Variants in LLGL2 observed in about 807,000 individuals in gnomAD.
LLGL2 encodes LLGL2, scribble cell polarity complex component.
A neutral mutation model predicts 123.2 loss-of-function variants in LLGL2; 81 were observed. That is an observed-to-expected ratio of 0.66 (90% CI 0.55 to 0.79). LLGL2 has a LOEUF of 0.79. Ranked by LOEUF, LLGL2 falls within the 30% of genes least tolerant of loss-of-function variation. LLGL2 has a pLI of 0.00. For synonymous variants in LLGL2, 577 were observed against 594.1 expected, an observed-to-expected ratio of 0.97 and a Z score of 0.42; for missense variants, 1,273 against 1,414.6, an observed-to-expected ratio of 0.90 and a Z score of 1.61.
intron 10 of LLGL2, among the ~76,000 whole-genome samples, chr17:75,567,293 G>A (rs1205698875): frequency 6.6e-6 from 1 of 152,080 alleles, no homozygotes; most frequent in Non-Finnish European, 1.5e-5. Flanking sequence ...GTGAAACCCT[G>A]TCTCTACTAA....
At chr17:75,574,571 G>GTCCC (rs776595225) in intron 24 of LLGL2, 39 bp from the exon 25 acceptor site, 36 of 1,606,754 alleles carry the variant, frequency 2.2e-5, no homozygotes, top group African/African-American at 1.3e-5. Context: ...GAGAGTGGAG[G>GTCCC]TCCCTGAGGC....
chr17:75,569,206 C>T lies in LLGL2; in HGVS notation c.1477-15C>T. ...TGTCCCCGTGGCTGCTCACAGGGCC[C>T]CTCCCCTTCTCCAGGTGGGCTCCTT... On this transcript the variant is annotated splice_polypyrimidine_tract_variant and intron_variant, in intron 13 of 25. Coordinates refer to ENST00000392550, the MANE Select transcript of LLGL2 (RefSeq NM_001031803.2). The T allele has an allele frequency of 6.2e-7, 1 of 1,612,754 alleles. No individual in the cohort carries two copies. Among genetic ancestry groups the T allele is most frequent in the Non-Finnish European group, 8.5e-7 (1 of 1,179,404 alleles).
In LLGL2 at chr17:75,564,454, T is replaced by C. The variant is rs899901107; in HGVS notation, c.983T>C (p.Phe328Ser). The C allele has an allele frequency of 6.2e-7, 1 of 1,613,468 alleles. No individual in the cohort carries two copies. ...GATGGCCAGCAGACGGCCTTCGACTTCACCTCCCGTGTCATCGGCTTCACT... is the reference window on the plus strand; with the variant it reads ...GATGGCCAGCAGACGGCCTTCGACTCCACCTCCCGTGTCATCGGCTTCACT... Reference protein sequence around the residue: ...IHDGQQTAFDFTSRVIGFTVL... With the variant: ...IHDGQQTAFDSTSRVIGFTVL... Residue 328 changes from phenylalanine (F) to serine (S), a missense_variant, in exon 10 of 26, where the codon TTC becomes TCC. Transcript: ENST00000392550. The surrounding 1 kb of genome is among the most constrained non-coding windows in gnomAD (Gnocchi z 4.9).
In LLGL2 at chr17:75,573,640, A is replaced by T; in HGVS notation, c.2876+9A>T. The T allele has an allele frequency of 6.2e-7, 1 of 1,605,610 alleles. No individual in the cohort carries two copies. The highest frequency in any genetic ancestry group is 8.5e-7 in the Non-Finnish European group (1 of 1,176,614). On this transcript the variant is annotated intron_variant, in intron 21 of 25. Coordinates refer to ENST00000392550, the MANE Select transcript of LLGL2 (RefSeq NM_001031803.2). ...GCCCCGAGCCGAGCCAGGTGAGTGA[A>T]AGGGCCAGAGGCCTCTCCCGCCCCT...
chr17:75,558,067 C>G lies in LLGL2; in HGVS notation c.174-88C>G. 8.0e-7 allele frequency: 1 copy of G among 1,249,112 alleles called. No homozygotes were observed. Among genetic ancestry groups the G allele is most frequent in the Non-Finnish European group, 1.2e-6 (1 of 849,726 alleles). The allele number at this position is 1,249,112 out of a possible 1,614,324, so 77.4% of individuals were successfully genotyped here. On this transcript the variant is annotated intron_variant, in intron 3 of 25. Transcript: ENST00000392550. The surrounding 1 kb of genome is among the most constrained non-coding windows in gnomAD (Gnocchi z 4.0). ...GGGCAGCCCCTCTCTGTGTTTGCATCATTGCACATGGGCCCCGAGGGCCTG... is the reference window on the plus strand; with the variant it reads ...GGGCAGCCCCTCTCTGTGTTTGCATGATTGCACATGGGCCCCGAGGGCCTG...
chr17:75,567,160 C>A (rs543509154), intron 10 of LLGL2, among the ~76,000 whole-genome samples: 72 of 152,218 alleles, frequency 4.7e-4, no homozygotes, highest in Non-Finnish European at 9.3e-4. Context: ...GCAGGGAAGA[C>A]AAGCACTTCA....
At position 75,574,463 on chromosome 17, in the gene LLGL2, G is replaced by A. The variant is rs1374214971; in HGVS notation, c.2964G>A (p.Lys988=). ...RALLSDERVL[K]EIQSTLEGDR... ...CCACCCGGCCTGCAGGAGTCCTGAA[G>A]GAAATCCAGAGCACACTGGAGGGAG... The change falls in exon 24 of 26, where the codon AAG becomes AAA. Residue 988 remains lysine (K), a synonymous_variant. Transcript: ENST00000392550. 6.4e-7 allele frequency: 1 copy of A among 1,552,168 alleles called. No homozygotes were observed. Among genetic ancestry groups the A allele is most frequent in the Non-Finnish European group, 8.7e-7 (1 of 1,149,112 alleles).
chr17:75,567,169 C>T (rs2055477800), intron 10 of LLGL2, among the ~76,000 whole-genome samples: 1 of 152,094 alleles, frequency 6.6e-6, no homozygotes, highest in African/African-American at 2.4e-5. Flanking sequence ...ACAAGCACTT[C>T]AAAGAGGCAG....
chr17:75,537,675 C>T (rs556919693), intron 1 of LLGL2, among the ~76,000 whole-genome samples: 7 of 151,132 alleles, frequency 4.6e-5, no homozygotes, highest in Admixed American at 1.3e-4. Flanking sequence ...TCAGCCTGGG[C>T]GACAGAGCGA....
Position 75,570,207 on chromosome 17 carries a change from ATGGCTTTGG to A in LLGL2, c.1827_1835del (p.Gly610_Gly612del), listed in dbSNP as rs2055634708. The A allele has an allele frequency of 6.3e-7, 1 of 1,598,490 alleles. No homozygotes were observed. Among genetic ancestry groups the A allele is most frequent in the Admixed American group, 1.8e-5 (1 of 56,502 alleles). The stretch of plus-strand genomic sequence containing the variant: ...CGGCTCGTGGCCTTCGGCACCAGCC[ATGGCTTTGG>A]CCTCTTTGACCACCAGCAGCGGCGG... On this transcript the variant is annotated inframe_deletion, in exon 15 of 26. Transcript: ENST00000392550.
chr17:75,555,521 G>A (rs969080730), intron 2 of LLGL2, among the ~76,000 whole-genome samples: 2 of 152,308 alleles, frequency 1.3e-5, no homozygotes, highest in Admixed American at 1.3e-4. Context: ...TTTGGTGACA[G>A]TAAGAGTCTG....
At chr17:75,574,729 C>T in intron 25 of LLGL2, 61 bp downstream of exon 25, 1 of 1,594,792 alleles carries the variant, frequency 6.3e-7, no homozygotes, top group Non-Finnish European at 8.6e-7. Flanking sequence ...GGAGGAAGAG[C>T]CCCGGCCCCA....
rs766294196 is a variant in LLGL2, at chr17:75,563,114, G to A, written c.629G>A (p.Arg210Gln). Residue 210 changes from arginine (R) to glutamine (Q), a missense_variant, in exon 7 of 26, where the codon CGA (arginine) becomes CAA (glutamine). Arg to Gln is a conservative substitution (Grantham distance 43). Transcript: ENST00000392550. ...AACCAGATCCTGATCGGCTACAGCC[G>A]AGGCCTCGTTGTCATCTGGGACCTA... ...DPNQILIGYSRGLVVIWDLQG... is the reference protein window; with the variant it reads ...DPNQILIGYSQGLVVIWDLQG... 18 of 1,613,152 alleles carry A rather than the reference G, an allele frequency of 1.1e-5. No individual in the cohort carries two copies. Among genetic ancestry groups the A allele is most frequent in the Admixed American group, 1.7e-5 (1 of 60,014 alleles).
At chr17:75,557,683 C>T (rs566562559) in intron 3 of LLGL2, 31 of 298,868 alleles carry the variant, frequency 1.0e-4, no homozygotes, top group Non-Finnish European at 1.6e-4. Flanking sequence ...GGCCTTGCTG[C>T]GGGCTCAGCC....
In LLGL2 at chr17:75,552,995, C is replaced by A. The variant is rs148981113; in HGVS notation, c.76-3051C>A. 3.0e-3 allele frequency among the ~76,000 whole-genome samples: 455 copies of A among 152,336 alleles called. 2 individuals carry two copies. Among genetic ancestry groups the A allele is most frequent in the African/African-American group, 0.01 (434 of 41,578 alleles). Reference sequence around the variant, plus strand: ...TCTGCTGCTGGGAAAGTGCTGCTGTCCTGGGAGACGGCTCCGGCTGCTGAC... The same window carrying A: ...TCTGCTGCTGGGAAAGTGCTGCTGTACTGGGAGACGGCTCCGGCTGCTGAC... On this transcript the variant is annotated intron_variant, in intron 2 of 25. Coordinates refer to ENST00000392550, the MANE Select transcript of LLGL2 (RefSeq NM_001031803.2).
chr17:75,571,131 G>A lies in LLGL2; in HGVS notation c.2176+31G>A, dbSNP rs1327614638. The stretch of plus-strand genomic sequence containing the variant: ...TGGCCAGCCTGGGGTTGGGGGGCAG[G>A]GGGTAGTGGGCAGCAGACACCCCCT... On this transcript the variant is annotated intron_variant, in intron 17 of 25. Transcript: ENST00000392550. 4 of 1,514,882 alleles carry A rather than the reference G, an allele frequency of 2.6e-6. No individual in the cohort carries two copies. In the Admixed American group the frequency reaches 5.2e-5, roughly 20 times the overall value. 93.8% of individuals were successfully genotyped at this position (1,514,882 alleles called of 1,614,324 possible). A position where few individuals can be genotyped will look rare whatever the true frequency, so the allele number is the denominator to read the frequency against.
At chr17:75,553,658 G>A (rs1032740680) in intron 2 of LLGL2, among the ~76,000 whole-genome samples, 1 of 152,172 alleles carries the variant, frequency 6.6e-6, no homozygotes, top group African/African-American at 2.4e-5. Flanking sequence ...ACATAGCATC[G>A]CTTTGTGCTG....
chr17:75,537,793 C>A (rs567934711), intron 1 of LLGL2, among the ~76,000 whole-genome samples: 2 of 146,194 alleles, frequency 1.4e-5, no homozygotes, highest in East Asian at 3.9e-4. Flanking sequence ...GATGGGAAGG[C>A]TTTTTGGAAG....
intron 2 of LLGL2, among the ~76,000 whole-genome samples, chr17:75,552,740 T>A (rs1193586089): frequency 6.6e-6 from 1 of 152,234 alleles, no homozygotes; most frequent in East Asian, 1.9e-4. Context: ...CAGCCCCTGT[T>A]CTTCTAGAAC....
Sources: gnomAD v4.1 joint callset for allele counts (sites outside exome capture counted in the v4.1 genomes callset) on GRCh38, gnomAD v4.1.1 for gene constraint, Gnocchi (gnomAD v3.1) non-coding constraint, MANE v1.5 for transcripts, NCBI Gene and HGNC (gene_info 2026-07-23, HGNC 2026-07-21) for gene names.